Variants in CLMP observed in about 807,000 individuals in gnomAD.
CLMP encodes CXADR like cell adhesion molecule.
Under a neutral mutation model 45.2 loss-of-function variants are expected in CLMP, and 27 were observed. That is an observed-to-expected ratio of 0.60 (90% CI 0.44 to 0.82). CLMP has a LOEUF of 0.82. CLMP is among the 40% of genes least tolerant of loss of function. CLMP has a pLI of 0.00. For synonymous variants in CLMP, 167 were observed against 171.4 expected (o/e 0.97, Z 0.20); for missense variants, 403 against 448.4 (o/e 0.90, Z 0.91).
intron 5 of CLMP, among the ~76,000 whole-genome samples, chr11:123,082,340 G>T (rs1256339943): frequency 6.6e-6 from 1 of 152,034 alleles, no homozygotes; most frequent in East Asian, 1.9e-4. Flanking sequence ...TTGGAGTCTC[G>T]CCCTGTTGTC....
chr11:123,160,171 T>G (rs1861466674), intron 1 of CLMP, among the ~76,000 whole-genome samples: 1 of 150,272 alleles, frequency 6.7e-6, no homozygotes, highest in African/African-American at 2.5e-5. Flanking sequence ...TCTCAGCTAC[T>G]TGGGAGGCTG....
chr11:123,121,891 G>C (rs994431933), intron 1 of CLMP, among the ~76,000 whole-genome samples: 1 of 151,990 alleles, frequency 6.6e-6, no homozygotes, highest in Admixed American at 6.6e-5. Flanking sequence ...CTACAGGCAC[G>C]TGCCCTTGCG....
chr11:123,182,387 A>G (rs573123258), intron 1 of CLMP, among the ~76,000 whole-genome samples: 1 of 152,286 alleles, frequency 6.6e-6, no homozygotes, highest in Admixed American at 6.5e-5. Context: ...CTCATTTCCA[A>G]ATCTGGGTTA....
intron 1 of CLMP, among the ~76,000 whole-genome samples, chr11:123,146,790 C>T (rs1251230038): frequency 6.6e-6 from 1 of 152,132 alleles, no homozygotes; most frequent in East Asian, 1.9e-4. Context: ...TACCACCAGA[C>T]CTCCTCCTCA....
At chr11:123,079,398 G>A (rs1181891983) in intron 5 of CLMP, among the ~76,000 whole-genome samples, 1 of 151,870 alleles carries the variant, frequency 6.6e-6, no homozygotes, top group Non-Finnish European at 1.5e-5. Context: ...CTTTATTCAT[G>A]TTTATTCACC....
intron 1 of CLMP, among the ~76,000 whole-genome samples, chr11:123,169,078 A>C (rs747488218): frequency 3.9e-5 from 6 of 152,158 alleles, no homozygotes; most frequent in Non-Finnish European, 8.8e-5. Flanking sequence ...TGCACTCTGA[A>C]AATGAGGTGT....
chr11:123,113,053 G>C (rs923275960), intron 1 of CLMP, among the ~76,000 whole-genome samples: 1 of 152,204 alleles, frequency 6.6e-6, no homozygotes, highest in Admixed American at 6.5e-5. Context: ...GATTACAGGC[G>C]TGAGCCACCA....
chr11:123,151,455 G>T (rs1290651367), intron 1 of CLMP, among the ~76,000 whole-genome samples: 1 of 152,152 alleles, frequency 6.6e-6, no homozygotes, highest in African/African-American at 2.4e-5. Flanking sequence ...TCATTCACCT[G>T]CCCACTCATT....
intron 1 of CLMP, among the ~76,000 whole-genome samples, chr11:123,120,909 G>T (rs937374270): frequency 6.6e-6 from 1 of 151,960 alleles, no homozygotes. Context: ...GGAGGATCAC[G>T]AGGTCAGGAG....
intron 1 of CLMP, among the ~76,000 whole-genome samples, chr11:123,131,090 C>A (rs12280271): frequency 0.15 from 22,270 of 151,930 alleles, 2,116 homozygotes; most frequent in East Asian, 0.25. Flanking sequence ...TGATCCACCC[C>A]CCTTGGGCTC....
chr11:123,170,840 G>A (rs1861623134), intron 1 of CLMP, among the ~76,000 whole-genome samples: 1 of 152,150 alleles, frequency 6.6e-6, no homozygotes, highest in African/African-American at 2.4e-5. Context: ...TGCCTCCTTG[G>A]TCACAGCTTA....
At chr11:123,184,085 A>T (rs1861802870) in intron 1 of CLMP, among the ~76,000 whole-genome samples, 1 of 152,202 alleles carries the variant, frequency 6.6e-6, no homozygotes, top group South Asian at 2.1e-4. Flanking sequence ...CCTAGAAATC[A>T]TATTTTAATT....
At position 123,084,879 on chromosome 11, in the gene CLMP, A is replaced by G. The variant is rs143842801; in HGVS notation, c.187-166T>C. ...TAAATAAAAGTTAAAAATACAGTAC[A>G]TTTGCACCTAGGCCTTGCCTCTCCT... On this transcript the variant is annotated intron_variant, in intron 2 of 6. Coordinates refer to ENST00000448775, the MANE Select transcript of CLMP (RefSeq NM_024769.5). Among the ~76,000 whole-genome samples, 21 of 152,290 alleles carry G rather than the reference A, an allele frequency of 1.4e-4. No individual in the cohort carries two copies. The East Asian group carries it at 4.1e-3, about 29-fold the overall frequency.
intron 1 of CLMP, among the ~76,000 whole-genome samples, chr11:123,111,361 C>T (rs1214792354): frequency 1.3e-5 from 2 of 152,022 alleles, no homozygotes; most frequent in African/African-American, 4.8e-5. Flanking sequence ...GAACTCCTGA[C>T]CTCAGGTGAT....
chr11:123,093,218 C>A (rs545411226), intron 2 of CLMP, among the ~76,000 whole-genome samples: 17 of 152,110 alleles, frequency 1.1e-4, no homozygotes, highest in African/African-American at 3.9e-4. Context: ...CACACACCTA[C>A]TTTTAAGAGA....
In CLMP at chr11:123,194,932, G is replaced by C. The variant is rs1565409169; in HGVS notation, c.9C>G (p.Leu3=). 1 of 1,613,118 alleles carries C rather than the reference G, an allele frequency of 6.2e-7. No homozygotes were observed. The highest frequency in any genetic ancestry group is 8.5e-7 in the Non-Finnish European group (1 of 1,179,514). Residue 3 remains leucine (L), a synonymous_variant, in exon 1 of 7, where the codon CTC becomes CTG. Coordinates refer to ENST00000448775, the MANE Select transcript of CLMP (RefSeq NM_024769.5). ...ACTCACCTAGCAAGAGGAGAAGGAG[G>C]AGGGACATCCCGATCCCCGGACGCG... MS[L]LLLLLLVSYY...
intron 5 of CLMP, among the ~76,000 whole-genome samples, chr11:123,079,992 G>T (rs1865785975): frequency 1.3e-5 from 2 of 152,336 alleles, no homozygotes; most frequent in South Asian, 4.1e-4. Context: ...CATGTGTGAA[G>T]CCCTGTTCCT....
intron 1 of CLMP, among the ~76,000 whole-genome samples, chr11:123,106,332 CA>C (rs112353077): frequency 0.1 from 15,506 of 151,664 alleles, 884 homozygotes; most frequent in East Asian, 0.16. Context: ...CTTCAGCGGG[CA>C]GACGGGAAGT....
chr11:123,085,786 T>G (rs547829816), intron 2 of CLMP, among the ~76,000 whole-genome samples: 29 of 150,828 alleles, frequency 1.9e-4, no homozygotes, highest in Admixed American at 1.1e-3. Flanking sequence ...TTTTTTTGTT[T>G]TTTTTTTGAG....
Sources: allele counts gnomAD v4.1 joint callset (sites outside exome capture counted in the v4.1 genomes callset), GRCh38; gene constraint gnomAD v4.1.1; transcripts MANE v1.5; gene names NCBI Gene and HGNC (gene_info 2026-07-23, HGNC 2026-07-21).